Variants in IFI44L observed in about 807,000 individuals in gnomAD.
IFI44L encodes interferon-induced protein 44-like.
IFI44L carries 40 observed loss-of-function variants against 39.3 expected under a neutral mutation model. That is an observed-to-expected ratio of 1.02 (90% CI 0.79 to 1.33). The LOEUF (loss-of-function observed/expected upper bound fraction) is 1.33. Among genes scored for constraint, IFI44L ranks in the 40% most tolerant of loss-of-function variants. The pLI is 0.00. For synonymous variants in IFI44L, 198 were observed against 182.3 expected, an observed-to-expected ratio of 1.09 and a Z score of -0.69; for missense variants, 623 against 549.0, an observed-to-expected ratio of 1.13 and a Z score of -1.35.
At position 78,635,433 on chromosome 1, in the gene IFI44L, C is replaced by T. The variant is rs1419350851; in HGVS notation, c.820C>T (p.Leu274=). 2.5e-6 allele frequency: 4 copies of T among 1,613,450 alleles called. No individual in the cohort carries two copies. Among genetic ancestry groups the T allele is most frequent in the Non-Finnish European group, 3.4e-6 (4 of 1,179,640 alleles). The part of the protein sequence containing the change: ...MGLDGAEGAG[L]CMDDIPHILK... Reference sequence around the variant, plus strand: ...GCTAGATGGGGCAGAAGGAGCAGGACTGTGCATGGATGACATTCCCCACAT... The same window carrying T: ...GCTAGATGGGGCAGAAGGAGCAGGATTGTGCATGGATGACATTCCCCACAT... The change falls in exon 5 of 9, where the codon CTG becomes TTG. Residue 274 remains leucine, a synonymous_variant. Coordinates refer to ENST00000370751, the MANE Select transcript of IFI44L (RefSeq NM_006820.4).
chr1:78,640,710 G>A (rs1367880078), intron 6 of IFI44L, among the ~76,000 whole-genome samples: 1 of 151,840 alleles, frequency 6.6e-6, no homozygotes, highest in East Asian at 1.9e-4. Flanking sequence ...GTTCTTTTTA[G>A]TCCCCAAAGT....
chr1:78,637,688 G>A (rs1291371313), intron 6 of IFI44L, among the ~76,000 whole-genome samples: 2 of 151,782 alleles, frequency 1.3e-5, no homozygotes, highest in African/African-American at 4.8e-5. Flanking sequence ...TTGTCATTTC[G>A]TGAATGTTAT....
At chr1:78,629,306 T>C (rs1319871592) in intron 3 of IFI44L, among the ~76,000 whole-genome samples, 1 of 152,174 alleles carries the variant, frequency 6.6e-6, no homozygotes, top group Non-Finnish European at 1.5e-5. Context: ...GAATCCTCAG[T>C]AAATGTCAAA....
At chr1:78,631,901 C>A (rs1320460039) in intron 4 of IFI44L, among the ~76,000 whole-genome samples, 4 of 152,040 alleles carry the variant, frequency 2.6e-5, no homozygotes, top group Non-Finnish European at 5.9e-5. Flanking sequence ...TACTAGTAGT[C>A]ACTGTATTTC....
At chr1:78,633,215 G>A (rs1392616089) in intron 4 of IFI44L, among the ~76,000 whole-genome samples, 1 of 152,166 alleles carries the variant, frequency 6.6e-6, no homozygotes, top group Non-Finnish European at 1.5e-5. Flanking sequence ...GGAAAAGAGG[G>A]AAGTGAGCAC....
chr1:78,629,601 A>G, intron 3 of IFI44L, 119 bp from the exon 4 acceptor site: 1 of 547,130 alleles, frequency 1.8e-6, no homozygotes. Flanking sequence ...ATAATAATTA[A>G]GTATTGAAAA....
At chr1:78,639,152 G>C (rs1653060707) in intron 6 of IFI44L, among the ~76,000 whole-genome samples, 1 of 152,060 alleles carries the variant, frequency 6.6e-6, no homozygotes, top group Non-Finnish European at 1.5e-5. Context: ...CACTTCCAGA[G>C]AGGGAAAAGA....
Position 78,641,468 on chromosome 1 carries a change from A to G in IFI44L, c.1183A>G (p.Ile395Val), listed in dbSNP as rs955407884. Residue 395 changes from isoleucine (I) to valine (V), a missense_variant, in exon 8 of 9, where the codon ATT (isoleucine) becomes GTT (valine). By Grantham distance (29) the Ile-to-Val change is conservative. Transcript: ENST00000370751. ...TGTCCATAAAATGCTAGGCATTCCT[A>G]TTTCCAATATTTTGATGGTTGGAAA... ...MNVHKMLGIP[I>V]SNILMVGNYA... is the part of the protein sequence containing the mutation. The G allele has an allele frequency of 1.9e-6, 3 of 1,613,488 alleles. No individual in the cohort carries two copies. Among genetic ancestry groups the G allele is most frequent in the Non-Finnish European group, 2.5e-6 (3 of 1,179,666 alleles).
intron 1 of IFI44L, among the ~76,000 whole-genome samples, chr1:78,621,444 G>A (rs926727219): frequency 6.6e-6 from 1 of 151,936 alleles, no homozygotes; most frequent in Non-Finnish European, 1.5e-5. Context: ...GCTAATTTTT[G>A]TATTTTTAGT....
chr1:78,638,451 C>T lies in IFI44L; in HGVS notation c.1048+1248C>T, dbSNP rs544582970. On this transcript the variant is annotated intron_variant, in intron 6 of 8. Coordinates refer to ENST00000370751, the MANE Select transcript of IFI44L (RefSeq NM_006820.4). ...CATCTCTCCTTTTGGAACTCTGGGACATGAATTCTAGATATTTTGTTATAG... is the reference window on the plus strand; with the variant it reads ...CATCTCTCCTTTTGGAACTCTGGGATATGAATTCTAGATATTTTGTTATAG... Among the ~76,000 whole-genome samples, 8 of 152,168 alleles carry T rather than the reference C, an allele frequency of 5.3e-5. No individual in the cohort carries two copies. In the South Asian group the frequency reaches 1.7e-3, roughly 32 times the overall value.
chr1:78,622,749 GACTA>G (rs1418951277), intron 1 of IFI44L, among the ~76,000 whole-genome samples: 2 of 152,196 alleles, frequency 1.3e-5, no homozygotes, highest in African/African-American at 2.4e-5. Context: ...TCAGGCCAAT[GACTA>G]ACTGAGAACT....
intron 6 of IFI44L, among the ~76,000 whole-genome samples, chr1:78,640,316 T>C (rs894325694): frequency 2.6e-5 from 4 of 152,072 alleles, no homozygotes; most frequent in African/African-American, 9.7e-5. Flanking sequence ...TGAGAACTGC[T>C]CTCTACCAGA....
chr1:78,629,696 T>C (rs1236994355), intron 3 of IFI44L, 24 bp from the exon 4 acceptor site: 1 of 1,574,684 alleles, frequency 6.4e-7, no homozygotes, highest in Non-Finnish European at 8.7e-7. Flanking sequence ...TCTGATGCTG[T>C]ATTTAACCAC....
intron 1 of IFI44L, among the ~76,000 whole-genome samples, chr1:78,621,645 AT>A (rs1652278766): frequency 6.6e-6 from 1 of 151,980 alleles, no homozygotes; most frequent in Admixed American, 6.6e-5. Flanking sequence ...AATTATTGTC[AT>A]AATTGTTTTT....
In IFI44L at chr1:78,635,395, G is replaced by A. The variant is rs1031886470; in HGVS notation, c.782G>A (p.Cys261Tyr). 4 of 1,612,764 alleles carry A rather than the reference G, an allele frequency of 2.5e-6. No individual in the cohort carries two copies. Among genetic ancestry groups the A allele is most frequent in the Admixed American group, 1.7e-5 (1 of 59,970 alleles). The change falls in exon 5 of 9, where the codon TGT (cysteine) becomes TAT (tyrosine). Residue 261 changes from cysteine to tyrosine, a missense_variant. Coordinates refer to ENST00000370751, the MANE Select transcript of IFI44L (RefSeq NM_006820.4). ...KNGKSLPFML[C>Y]DTMGLDGAEG... ...GGAAAATCTCTGCCATTTATGTTGT[G>A]TGACACTATGGGGCTAGATGGGGCA...
intron 4 of IFI44L, among the ~76,000 whole-genome samples, chr1:78,633,443 A>C (rs949751407): frequency 6.6e-6 from 1 of 152,162 alleles, no homozygotes; most frequent in Non-Finnish European, 1.5e-5. Flanking sequence ...CAACCTCTGA[A>C]CAGCACTTAG....
chr1:78,626,336 T>C (rs1431652549), intron 1 of IFI44L: 1 of 152,030 alleles, frequency 6.6e-6, no homozygotes, highest in Non-Finnish European at 1.5e-5. Context: ...TTAAACATAG[T>C]AATTTAAAAA....
At chr1:78,635,515 A>G (rs1233415320) in intron 5 of IFI44L, 26 bp downstream of exon 5, 1 of 1,594,544 alleles carries the variant, frequency 6.3e-7, no homozygotes, top group Non-Finnish European at 8.5e-7. Context: ...TATCCAAAAC[A>G]TTTCAAATCA....
intron 7 of IFI44L, 54 bp downstream of exon 7, chr1:78,641,175 G>T: frequency 8.1e-7 from 1 of 1,234,078 alleles, no homozygotes; most frequent in Non-Finnish European, 1.2e-6. Flanking sequence ...ACAATCATAC[G>T]TGTGTGTGTT....
Sources: gnomAD v4.1 joint callset for allele counts (sites outside exome capture counted in the v4.1 genomes callset) on GRCh38, gnomAD v4.1.1 for gene constraint, MANE v1.5 for transcripts, NCBI Gene and HGNC (gene_info 2026-07-23, HGNC 2026-07-21) for gene names.